The following FGGY variants were observed in gnomAD, a reference collection of about 807,000 sequenced individuals.
FGGY encodes FGGY carbohydrate kinase domain-containing protein.
Under a neutral mutation model 71.3 loss-of-function variants are expected in FGGY, and 72 were observed. The ratio of observed to expected loss-of-function variants is 1.01; its 90% CI spans 0.84 to 1.23. The LOEUF (loss-of-function observed/expected upper bound fraction) is 1.23, where lower values mean the gene tolerates loss of function less well. Ranked by LOEUF, FGGY falls within the 50% of genes most tolerant of loss-of-function variation. FGGY has a pLI of 0.00. For synonymous variants in FGGY, 251 were observed against 250.3 expected (o/e 1.00, Z -0.02); for missense variants, 668 against 682.3 (o/e 0.98, Z 0.23).
intron 6 of FGGY, among the ~76,000 whole-genome samples, chr1:59,489,505 A>T (rs1558102025): frequency 6.6e-6 from 1 of 152,124 alleles, no homozygotes; most frequent in Non-Finnish European, 1.5e-5. Flanking sequence ...CACTTAATAT[A>T]ATGTCCTCCA....
At chr1:59,434,342 G>A (rs2067981922) in intron 5 of FGGY, among the ~76,000 whole-genome samples, 1 of 152,210 alleles carries the variant, frequency 6.6e-6, no homozygotes, top group African/African-American at 2.4e-5. Context: ...CTGGAGGGAG[G>A]TAAGTGAATG....
At chr1:59,502,680 G>A (rs892897231) in intron 6 of FGGY, among the ~76,000 whole-genome samples, 3 of 152,156 alleles carry the variant, frequency 2.0e-5, no homozygotes, top group East Asian at 3.9e-4. Flanking sequence ...TGCTGACAAC[G>A]TGGAAGAAGC....
intron 14 of FGGY, among the ~76,000 whole-genome samples, chr1:59,705,672 A>T (rs1365141394): frequency 6.6e-6 from 1 of 152,172 alleles, no homozygotes; most frequent in Admixed American, 6.5e-5. Flanking sequence ...TTACCACTTG[A>T]CTTTGAGACA....
At chr1:59,377,210 A>G (rs1195364845) in intron 4 of FGGY, among the ~76,000 whole-genome samples, 1 of 152,082 alleles carries the variant, frequency 6.6e-6, no homozygotes, top group Non-Finnish European at 1.5e-5. Context: ...CACAGAGCTT[A>G]TAGTCAGTCT....
chr1:59,509,357 C>T (rs1291638536), intron 6 of FGGY, among the ~76,000 whole-genome samples: 1 of 152,204 alleles, frequency 6.6e-6, no homozygotes, highest in African/African-American at 2.4e-5. Flanking sequence ...TCCCTAACCC[C>T]AGTCTATCCT....
intron 2 of FGGY, among the ~76,000 whole-genome samples, chr1:59,322,931 CA>C (rs1356651672): frequency 1.3e-5 from 2 of 152,110 alleles, no homozygotes; most frequent in Non-Finnish European, 1.5e-5. Flanking sequence ...TGCAGATGGA[CA>C]ATTCACCATT....
chr1:59,301,273 A>G (rs748028173), intron 1 of FGGY, among the ~76,000 whole-genome samples: 1 of 152,180 alleles, frequency 6.6e-6, no homozygotes. Flanking sequence ...TTTATTTTCC[A>G]GTTGTTTTCT....
intron 1 of FGGY, among the ~76,000 whole-genome samples, chr1:59,314,335 G>C (rs2044993747): frequency 6.6e-6 from 1 of 152,170 alleles, no homozygotes; most frequent in African/African-American, 2.4e-5. Flanking sequence ...AGGTTGATTT[G>C]AGGCCCACAC....
chr1:59,493,382 G>A (rs1358455332), intron 6 of FGGY, among the ~76,000 whole-genome samples: 1 of 150,488 alleles, frequency 6.6e-6, no homozygotes, highest in Non-Finnish European at 1.5e-5. Flanking sequence ...AAATGTGGAA[G>A]CAAACCAAGT....
intron 8 of FGGY, among the ~76,000 whole-genome samples, chr1:59,569,979 T>C (rs2095953441): frequency 6.6e-6 from 1 of 152,190 alleles, no homozygotes; most frequent in African/African-American, 2.4e-5. Flanking sequence ...GGCTGGTGAA[T>C]GTCTGGTTCA....
intron 5 of FGGY, among the ~76,000 whole-genome samples, chr1:59,385,440 G>GACA (rs2059964844): frequency 1.3e-5 from 2 of 152,118 alleles, no homozygotes; most frequent in Admixed American, 6.6e-5. Flanking sequence ...TGTTAACTCT[G>GACA]TTAGTCCTCA....
Position 59,660,276 on chromosome 1 carries a change from A to G in FGGY, c.1279A>G (p.Thr427Ala), listed in dbSNP as rs1394524134. The part of the protein sequence containing the change: ...LDDLAILYLA[T>A]VQAIALGTRF... ...TGATCTTGCCATTCTCTACCTGGCCACAGTTCAAGCCATTGCTGTAAGATA... is the reference window on the plus strand; with the variant it reads ...TGATCTTGCCATTCTCTACCTGGCCGCAGTTCAAGCCATTGCTGTAAGATA... The change falls in exon 12 of 16, where the codon ACA becomes GCA. Residue 427 changes from threonine (T) to alanine (A), a missense_variant. Around this residue, in one of 2 missense-constraint regions of FGGY, gnomAD observed 661 missense variants for 661.6 expected, o/e 1.00. Coordinates refer to ENST00000303721, the MANE Select transcript of FGGY (RefSeq NM_018291.5). 6.2e-7 allele frequency: 1 copy of G among 1,613,324 alleles called. No individual in the cohort carries two copies. The highest frequency in any genetic ancestry group is 8.5e-7 in the Non-Finnish European group (1 of 1,179,968).
At chr1:59,363,617 G>A (rs900006454) in intron 4 of FGGY, among the ~76,000 whole-genome samples, 2 of 152,136 alleles carry the variant, frequency 1.3e-5, no homozygotes, top group African/African-American at 4.8e-5. Context: ...ATGTAGTGAG[G>A]CCCTCTACAT....
intron 7 of FGGY, among the ~76,000 whole-genome samples, chr1:59,536,238 A>G (rs1052479216): frequency 5.3e-5 from 8 of 152,182 alleles, no homozygotes; most frequent in Non-Finnish European, 1.2e-4. Context: ...GAAGAAATGG[A>G]TAAATTCCTC....
At position 59,321,670 on chromosome 1, in the gene FGGY, A is replaced by G. The variant is rs1054472247; in HGVS notation, c.121A>G (p.Ile41Val). The G allele has an allele frequency of 1.7e-5, 27 of 1,613,328 alleles. No individual in the cohort carries two copies. The highest frequency in any genetic ancestry group is 2.2e-5 in the Non-Finnish European group (26 of 1,179,706). ...CCTGTTGGCTTTTGCAGACCAGCCA[A>G]TTAAGAATTGGGAGCCCCAGTTCAA... The part of the protein sequence containing the change: ...GVLLAFADQP[I>V]KNWEPQFNHH... The change falls in exon 2 of 16, where the codon ATT becomes GTT. Residue 41 changes from isoleucine to valine, a missense_variant. Around this residue, in one of 2 missense-constraint regions of FGGY, gnomAD observed 661 missense variants for 661.6 expected, o/e 1.00. Transcript: ENST00000303721.
intron 5 of FGGY, among the ~76,000 whole-genome samples, chr1:59,452,583 G>A (rs2091292500): frequency 6.6e-6 from 1 of 152,156 alleles, no homozygotes; most frequent in Non-Finnish European, 1.5e-5. Flanking sequence ...CTCCCATTAA[G>A]TTAGTTAATG....
intron 14 of FGGY, among the ~76,000 whole-genome samples, chr1:59,729,147 G>A (rs2097990537): frequency 6.6e-6 from 1 of 151,642 alleles, no homozygotes. Flanking sequence ...CCTTGTCCTT[G>A]TTAAGGCCAT....
At chr1:59,535,849 T>C (rs930179187) in intron 7 of FGGY, among the ~76,000 whole-genome samples, 6 of 146,612 alleles carry the variant, frequency 4.1e-5, no homozygotes, top group African/African-American at 1.6e-4. Flanking sequence ...AGAGGGAAAT[T>C]TATAGCACTA....
chr1:59,493,576 A>G (rs1408331866), intron 6 of FGGY, among the ~76,000 whole-genome samples: 1 of 152,176 alleles, frequency 6.6e-6, no homozygotes, highest in African/African-American at 2.4e-5. Flanking sequence ...TATGGGATAC[A>G]TAGAGTAGTC....
Sources: gnomAD v4.1 joint callset for allele counts (sites outside exome capture counted in the v4.1 genomes callset) on GRCh38, gnomAD v4.1.1 for gene constraint, gnomAD v4.1.1 regional missense constraint, MANE v1.5 for transcripts, NCBI Gene and HGNC (gene_info 2026-07-23, HGNC 2026-07-21) for gene names.